NAV2: variants seen among roughly 807,000 people sequenced by gnomAD.
The protein encoded by NAV2 is neuron navigator 2.
NAV2 carries 54 observed loss-of-function variants against 223.2 expected under a neutral mutation model. The ratio of observed to expected loss-of-function variants is 0.24; its 90% CI spans 0.19 to 0.30. NAV2 has a LOEUF of 0.30. Ranked by LOEUF, NAV2 falls within the 10% of genes least tolerant of loss-of-function variation. The probability of loss-of-function intolerance (pLI) is 1.00; values close to 1 mark genes in which losing one functional copy is unlikely to be tolerated. For missense variants in NAV2, 2,806 were observed against 3,147.5 expected (o/e 0.89, Z 2.60); for synonymous variants, 1,279 against 1,239.3 (o/e 1.03, Z -0.67).
chr11:19,657,072 G>A (rs1397202633), intron 1 of NAV2, among the ~76,000 whole-genome samples: 1 of 152,158 alleles, frequency 6.6e-6, no homozygotes, highest in Non-Finnish European at 1.5e-5. Flanking sequence ...AAGTGGTGCT[G>A]TTGAGTGGGA....
At chr11:19,619,776 T>A (rs2046927445) in intron 1 of NAV2, among the ~76,000 whole-genome samples, 1 of 152,200 alleles carries the variant, frequency 6.6e-6, no homozygotes, top group Non-Finnish European at 1.5e-5. Context: ...TAGACCCCAT[T>A]TGTCAATTTT....
intron 1 of NAV2, among the ~76,000 whole-genome samples, chr11:19,452,898 T>G (rs1292638732): frequency 6.6e-6 from 1 of 152,228 alleles, no homozygotes; most frequent in Admixed American, 6.5e-5. Context: ...AGCTAACACT[T>G]AAATAGTGGT....
intron 4 of NAV2, among the ~76,000 whole-genome samples, chr11:19,876,403 AAAG>A (rs1803874747): frequency 1.3e-5 from 2 of 152,150 alleles, no homozygotes; most frequent in African/African-American, 4.8e-5. Context: ...TGCCCATTTT[AAAG>A]AAGAAAACTG....
intron 5 of NAV2, among the ~76,000 whole-genome samples, chr11:19,886,054 T>C (rs2040942774): frequency 6.6e-6 from 1 of 152,162 alleles, no homozygotes; most frequent in African/African-American, 2.4e-5. Flanking sequence ...ATCATGGCGC[T>C]ATCATGGCTC....
At chr11:19,866,300 A>AC (rs755396543) in intron 3 of NAV2, among the ~76,000 whole-genome samples, 3 of 152,196 alleles carry the variant, frequency 2.0e-5, no homozygotes, top group Non-Finnish European at 4.4e-5. Context: ...TGCGAGTAGT[A>AC]CCCTGCTCCC....
intron 35 of NAV2, among the ~76,000 whole-genome samples, chr11:20,106,175 A>ATATATATATATATGTGTGTG (rs11267537): frequency 2.8e-5 from 1 of 35,842 alleles, no homozygotes; most frequent in South Asian, 1.2e-3. Flanking sequence ...ATATATATAT[A>ATATATATATATATGTGTGTG]TGTGTGTGTA....
At chr11:19,736,854 G>A (rs1469571852) in intron 1 of NAV2, among the ~76,000 whole-genome samples, 1 of 152,132 alleles carries the variant, frequency 6.6e-6, no homozygotes, top group Non-Finnish European at 1.5e-5. Context: ...AGTTAGTATA[G>A]CCACAACCAC....
intron 1 of NAV2, among the ~76,000 whole-genome samples, chr11:19,828,608 C>T (rs1455814246): frequency 1.3e-5 from 2 of 152,256 alleles, no homozygotes; most frequent in South Asian, 2.1e-4. Context: ...CCCACGTCAG[C>T]CTCCTCAGTA....
chr11:20,080,303 T>G, intron 25 of NAV2, 94 bp downstream of exon 25: 1 of 1,234,094 alleles, frequency 8.1e-7, no homozygotes, highest in Non-Finnish European at 1.1e-6. Flanking sequence ...GCCCAGCTAC[T>G]ATCTGTGGAA....
chr11:19,932,262 AAAG>A, intron 6 of NAV2, among the ~76,000 whole-genome samples: 3 of 142,000 alleles, frequency 2.1e-5, no homozygotes, highest in Non-Finnish European at 3.1e-5. Flanking sequence ...AAAAAAAAAG[AAAG>A]AAAAGGAAAA....
intron 6 of NAV2, among the ~76,000 whole-genome samples, chr11:19,920,917 C>A (rs924393886): frequency 6.6e-6 from 1 of 152,156 alleles, no homozygotes; most frequent in East Asian, 1.9e-4. Flanking sequence ...TTTGCAAAAC[C>A]TCAATCTACC....
chr11:19,768,572 T>C (rs2004082), intron 1 of NAV2, among the ~76,000 whole-genome samples: 59,499 of 151,974 alleles, frequency 0.39, 12,847 homozygotes, highest in African/African-American at 0.58. Context: ...TGGCACTTGT[T>C]CTCAAATATC....
chr11:19,466,138 T>A (rs575701922), intron 1 of NAV2, among the ~76,000 whole-genome samples: 17 of 152,344 alleles, frequency 1.1e-4, no homozygotes, highest in Admixed American at 1.0e-3. Context: ...TATTTAAATT[T>A]TTATAGCGAT....
At chr11:19,525,340 G>A (rs943791144) in intron 1 of NAV2, among the ~76,000 whole-genome samples, 2 of 152,210 alleles carry the variant, frequency 1.3e-5, no homozygotes, top group African/African-American at 4.8e-5. Flanking sequence ...CTCAGGCTTT[G>A]CTGTGTGCCA....
intron 1 of NAV2, among the ~76,000 whole-genome samples, chr11:19,700,644 G>T (rs1028353378): frequency 6.6e-6 from 1 of 152,126 alleles, no homozygotes; most frequent in Non-Finnish European, 1.5e-5. Flanking sequence ...ACCTCCACCC[G>T]AAGCACACTG....
intron 1 of NAV2, among the ~76,000 whole-genome samples, chr11:19,435,187 A>T (rs1200451008): frequency 6.6e-6 from 1 of 152,148 alleles, no homozygotes; most frequent in African/African-American, 2.4e-5. Context: ...TCTAACTGAA[A>T]CTATATCCTC....
chr11:19,704,333 T>C (rs1271023255), intron 1 of NAV2, among the ~76,000 whole-genome samples: 1 of 152,162 alleles, frequency 6.6e-6, no homozygotes, highest in Non-Finnish European at 1.5e-5. Context: ...TTAAATGCCA[T>C]ATATAAGGCA....
Position 19,900,674 on chromosome 11 carries a change from A to G in NAV2, c.931+8080A>G, listed in dbSNP as rs111536433. On this transcript the variant is annotated intron_variant, in intron 6 of 37. Coordinates refer to ENST00000349880, the MANE Select transcript of NAV2 (RefSeq NM_145117.5). ...GTTCCCACAAGGATTAGGCCCAATC[A>G]ATTGTCATAGAACTCAGAGAAGCTC... Among the ~76,000 whole-genome samples, 1,465 of 152,288 alleles carry G rather than the reference A, an allele frequency of 9.6e-3. 20 individuals carry two copies. The highest frequency in any genetic ancestry group is 0.032 in the East Asian group (165 of 5,178).
intron 1 of NAV2, among the ~76,000 whole-genome samples, chr11:19,650,259 C>T (rs1421974917): frequency 2.6e-5 from 4 of 152,086 alleles, no homozygotes; most frequent in African/African-American, 7.2e-5. Context: ...GAGGAGAATG[C>T]CATGTGAAGA....
Sources: allele counts gnomAD v4.1 joint callset (sites outside exome capture counted in the v4.1 genomes callset), GRCh38; gene constraint gnomAD v4.1.1; transcripts MANE v1.5; gene names NCBI Gene and HGNC (gene_info 2026-07-23, HGNC 2026-07-21).